The following COL4A4 variants were observed in gnomAD, a reference collection of about 807,000 sequenced individuals.
The protein encoded by COL4A4 is collagen type IV alpha 4 chain, also known as collagen alpha-4(IV) chain.
A neutral mutation model predicts 192.9 loss-of-function variants in COL4A4; 105 were observed. The observed-to-expected ratio is 0.54, with a 90% CI of 0.46 to 0.64. The LOEUF (loss-of-function observed/expected upper bound fraction) is 0.64. COL4A4 is among the 30% of genes least tolerant of loss of function. The probability of loss-of-function intolerance (pLI) is 0.00; values close to 1 mark genes in which losing one functional copy is unlikely to be tolerated. For missense variants in COL4A4, 1,967 were observed against 2,169.3 expected (o/e 0.91, Z 1.85); for synonymous variants, 762 against 769.9 (o/e 0.99, Z 0.17).
In COL4A4 at chr2:227,060,126, CCTCACTG is replaced by C; in HGVS notation, c.2164+3_2164+9del. 1.4e-5 allele frequency: 6 copies of C among 438,564 alleles called. No individual in the cohort carries two copies. The highest frequency in any genetic ancestry group is 1.9e-5 in the Non-Finnish European group (6 of 313,870). 27.2% of individuals were successfully genotyped at this position (438,564 alleles called of 1,614,324 possible). On this transcript the variant is annotated splice_donor_5th_base_variant and intron_variant, in intron 27 of 47. Coordinates refer to ENST00000396625, the MANE Select transcript of COL4A4 (RefSeq NM_000092.5). ...GAAAAAAAAAAAAAAAAAAAAAAAACCTCACTGACCAGGTGGACCTGGTATTTCCGCT... is the reference window on the plus strand; with the variant it reads ...GAAAAAAAAAAAAAAAAAAAAAAAACACCAGGTGGACCTGGTATTTCCGCT...
intron 19 of COL4A4, among the ~76,000 whole-genome samples, chr2:227,098,285 A>T (rs2060313075): frequency 6.6e-6 from 1 of 152,200 alleles, no homozygotes; most frequent in Non-Finnish European, 1.5e-5. Context: ...ATGGGGAAAC[A>T]CTAATCCTAG....
At chr2:227,065,208 C>T (rs548462057) in intron 25 of COL4A4, among the ~76,000 whole-genome samples, 2 of 152,222 alleles carry the variant, frequency 1.3e-5, no homozygotes, top group Non-Finnish European at 2.9e-5. Context: ...ACCAGGAGAT[C>T]ACATCCCGCA....
rs770916599 is a variant in COL4A4 at position 227,144,576 on chromosome 2, C to T, written c.72-18G>A. The T allele has an allele frequency of 2.7e-5, 42 of 1,576,700 alleles. 1 individual carries two copies. In the Middle Eastern group the frequency reaches 5.0e-4, roughly 19 times the overall value. On this transcript the variant is annotated intron_variant, in intron 2 of 47. Transcript: ENST00000396625. The stretch of plus-strand genomic sequence containing the variant: ...TAAGTGACCTACAGAAAAACAAAAA[C>T]GCAGATTAATTTAAACAGTTTCTTT...
At chr2:227,147,823 T>A (rs2063647766) in intron 1 of COL4A4, among the ~76,000 whole-genome samples, 1 of 148,648 alleles carries the variant, frequency 6.7e-6, no homozygotes, top group South Asian at 2.1e-4. Context: ...ATATATTATA[T>A]TTTTAAAATA....
chr2:227,072,803 C>T (rs902249690), intron 25 of COL4A4, among the ~76,000 whole-genome samples: 34 of 151,970 alleles, frequency 2.2e-4, no homozygotes, highest in African/African-American at 7.9e-4. Context: ...ACAAAAACCA[C>T]ATGATCAATA....
the COL4A4 span, among the ~76,000 whole-genome samples, chr2:226,983,564 A>C: frequency 1.3e-5 from 2 of 152,148 alleles, no homozygotes; most frequent in East Asian, 3.8e-4. Context: ...GGTTGTTCTC[A>C]GCAGAAGTTG....
In COL4A4 at chr2:227,093,257, C is replaced by T. The variant is rs577504578; in HGVS notation, c.1369+868G>A. On this transcript the variant is annotated intron_variant, in intron 20 of 47. Coordinates refer to ENST00000396625, the MANE Select transcript of COL4A4 (RefSeq NM_000092.5). ...AATAATAGCCCTCCCCAAAACTAAA[C>T]TACCTTCATAATGCTAATAAAAAGC... 2.0e-5 allele frequency among the ~76,000 whole-genome samples: 3 copies of T among 152,196 alleles called. No individual in the cohort carries two copies. The East Asian group carries it at 5.8e-4, about 29-fold the overall frequency.
rs771202106 is a variant in COL4A4 at position 227,050,085 on chromosome 2, C to A, written c.3197G>T (p.Gly1066Val). 1.2e-6 allele frequency: 2 copies of A among 1,614,192 alleles called. No individual in the cohort carries two copies. The highest frequency in any genetic ancestry group is 8.5e-7 in the Non-Finnish European group (1 of 1,180,016). Residue 1066 changes from glycine (G) to valine (V), a missense_variant, in exon 34 of 48, where the codon GGA becomes GTA. Gly to Val is a moderately radical substitution (Grantham distance 109). Transcript: ENST00000396625. ...PGPPGFSGID[G>V]ARGPKGNKGD... ...AACCATACCTTTAGGTCCTCTTGCT[C>A]CATCAATTCCTGAAAATCCAGGGGG...
chr2:227,132,414 C>T (rs982317012), intron 4 of COL4A4, among the ~76,000 whole-genome samples: 3 of 152,146 alleles, frequency 2.0e-5, no homozygotes, highest in African/African-American at 7.2e-5. Flanking sequence ...GTGGCAAGTG[C>T]TCAATGGTTA....
chr2:227,114,294 A>C (rs1014422598), intron 8 of COL4A4, among the ~76,000 whole-genome samples: 5 of 152,184 alleles, frequency 3.3e-5, no homozygotes, highest in African/African-American at 1.2e-4. Context: ...GAGGCCAGGG[A>C]TTCTGCTCAA....
At chr2:227,125,729 A>G (rs2062047260) in intron 4 of COL4A4, among the ~76,000 whole-genome samples, 1 of 151,956 alleles carries the variant, frequency 6.6e-6, no homozygotes, top group South Asian at 2.1e-4. Flanking sequence ...TGGCTGATTC[A>G]TCTCTCAAGG....
At position 227,003,834 on chromosome 2, in the gene COL4A4, AAAC is replaced by A. The variant is rs1961512222; in HGVS notation, c.*3488_*3490del. ...TTTCTGAAATTTCTGTTTATAGAAA[AAAC>A]AAAAATCTATTTTTGGAGGGGTGTG... On this transcript the variant is annotated 3_prime_UTR_variant, in exon 48 of 48. Coordinates refer to ENST00000396625, the MANE Select transcript of COL4A4 (RefSeq NM_000092.5). 1 of 152,232 alleles carries A rather than the reference AAAC, an allele frequency of 6.6e-6. No individual in the cohort carries two copies. Among genetic ancestry groups the A allele is most frequent in the African/African-American group, 2.4e-5 (1 of 41,462 alleles). The allele number at this position is 152,232 out of a possible 1,614,324, so 9.4% of individuals were successfully genotyped here. A position where few individuals can be genotyped will look rare whatever the true frequency, so the allele number is the denominator to read the frequency against.
chr2:227,080,801 C>T (rs1243233207), intron 23 of COL4A4, among the ~76,000 whole-genome samples: 1 of 152,168 alleles, frequency 6.6e-6, no homozygotes, highest in East Asian at 1.9e-4. Flanking sequence ...AGGTGCCAAT[C>T]ACAGAATCTT....
rs575424640 is a variant in COL4A4, at chr2:227,072,380, T to C, written c.1987+5514A>G. On this transcript the variant is annotated intron_variant, in intron 25 of 47. Transcript: ENST00000396625. ...GAAATAGAAACCTCAAACAAACCAATAACAAGCAGTGAGATTGAATCAGTA... is the reference window on the plus strand; with the variant it reads ...GAAATAGAAACCTCAAACAAACCAACAACAAGCAGTGAGATTGAATCAGTA... 9.9e-5 allele frequency among the ~76,000 whole-genome samples: 15 copies of C among 151,536 alleles called. No individual in the cohort carries two copies. The South Asian group carries it at 2.9e-3, about 30-fold the overall frequency.
At position 227,055,976 on chromosome 2, in the gene COL4A4, A is replaced by T; in HGVS notation, c.2685T>A (p.Asp895Glu). 1.2e-6 allele frequency: 2 copies of T among 1,613,946 alleles called. No homozygotes were observed. Among genetic ancestry groups the T allele is most frequent in the Non-Finnish European group, 1.7e-6 (2 of 1,179,960 alleles). ...GACCTGGAGGACCAGGTAGCCCATCATCTCCAAAGGGACCTGGGATTCCTG... is the reference window on the plus strand; with the variant it reads ...GACCTGGAGGACCAGGTAGCCCATCTTCTCCAAAGGGACCTGGGATTCCTG... ...GLPGIPGPFG[D>E]DGLPGPPGPK... The change falls in exon 30 of 48, where the codon GAT (aspartate) becomes GAA (glutamate). Residue 895 changes from aspartate (D) to glutamate (E), a missense_variant. Transcript: ENST00000396625.
rs1331450369 is a variant in COL4A4, at chr2:227,004,518, AGTT to A, written c.*2804_*2806del. 8 of 152,364 alleles carry A rather than the reference AGTT, an allele frequency of 5.3e-5. No individual in the cohort carries two copies. The highest frequency in any genetic ancestry group is 8.8e-5 in the Non-Finnish European group (6 of 68,058). The allele number at this position is 152,364 out of a possible 1,614,324, so 9.4% of individuals were successfully genotyped here. A position where few individuals can be genotyped will look rare whatever the true frequency, so the allele number is the denominator to read the frequency against. On this transcript the variant is annotated 3_prime_UTR_variant, in exon 48 of 48. Coordinates refer to ENST00000396625, the MANE Select transcript of COL4A4 (RefSeq NM_000092.5). Reference sequence around the variant, plus strand: ...TCTAATCCAGAGGGTGACAAAATCAAGTTTGGGTGGATCTTAGATGGCAACTGG... The same window carrying A: ...TCTAATCCAGAGGGTGACAAAATCAATGGGTGGATCTTAGATGGCAACTGG...
chr2:226,981,394 G>C, the COL4A4 span, among the ~76,000 whole-genome samples: 2 of 149,978 alleles, frequency 1.3e-5, no homozygotes, highest in Admixed American at 1.3e-4. Context: ...GGAGCTCATT[G>C]AACTTCAAAA....
At chr2:227,072,184 A>T (rs1317021918) in intron 25 of COL4A4, among the ~76,000 whole-genome samples, 1 of 152,044 alleles carries the variant, frequency 6.6e-6, no homozygotes, top group African/African-American at 2.4e-5. Flanking sequence ...AAGAGAGAAG[A>T]TCCAAATAAG....
At chr2:226,995,818 G>T in the COL4A4 span, 3 of 380,728 alleles carry the variant, frequency 7.9e-6, no homozygotes, top group Non-Finnish European at 1.4e-5. Context: ...CCTCTGCCTC[G>T]GTCTGCTTTT....
Sources: allele counts gnomAD v4.1 joint callset (sites outside exome capture counted in the v4.1 genomes callset), GRCh38; gene constraint gnomAD v4.1.1; transcripts MANE v1.5; gene names NCBI Gene and HGNC (gene_info 2026-07-23, HGNC 2026-07-21).